EIF4G2: variants seen among roughly 807,000 people sequenced by gnomAD.
EIF4G2 encodes eukaryotic translation initiation factor 4 gamma 2, also known as DAP-5.
EIF4G2 carries 8 observed loss-of-function variants against 117.7 expected under a neutral mutation model. The ratio of observed to expected loss-of-function variants is 0.07; its 90% confidence interval spans 0.04 to 0.12. The LOEUF (loss-of-function observed/expected upper bound fraction) is 0.12, where lower values mean the gene tolerates loss of function less well. EIF4G2 is among the 10% of genes least tolerant of loss of function. The pLI is 1.00. For synonymous variants in EIF4G2, 413 were observed against 367.8 expected (o/e 1.12, Z -1.41); for missense variants, 812 against 1,086.2 (o/e 0.75, Z 3.55).
chr11:10,800,910 GAA>G (rs949848262), intron 15 of EIF4G2, 50 bp downstream of exon 15: 4 of 1,610,684 alleles, frequency 2.5e-6, no homozygotes, highest in African/African-American at 1.3e-5. Context: ...ACTAAATTTA[GAA>G]AAAAGTCTTC....
At chr11:10,808,471 G>T (rs1408553196) in intron 1 of EIF4G2, 39 of 1,257,570 alleles carry the variant, frequency 3.1e-5, no homozygotes, top group Non-Finnish European at 4.0e-5. Context: ...ATCCGGCCAT[G>T]ACCGCACGGC....
chr11:10,798,834 A>G (rs1296389997), intron 21 of EIF4G2, 158 bp downstream of exon 21: 13 of 898,386 alleles, frequency 1.4e-5, no homozygotes, highest in Admixed American at 2.5e-5. Context: ...AGCTTTACTT[A>G]ATAATAGCTT....
Position 10,802,450 on chromosome 11 carries a change from T to C in EIF4G2, c.997-15A>G, listed in dbSNP as rs763346719. 23 of 1,556,484 alleles carry C rather than the reference T, an allele frequency of 1.5e-5. No homozygotes were observed. In the South Asian group the frequency reaches 2.3e-4, roughly 16 times the overall value. Reference sequence around the variant, plus strand: ...ACCCCTAGATCCTTTAGAAATGAAGTGAATATGCACTTTTTGTCTCTGGAC... The same window carrying C: ...ACCCCTAGATCCTTTAGAAATGAAGCGAATATGCACTTTTTGTCTCTGGAC... On this transcript the variant is annotated splice_polypyrimidine_tract_variant and intron_variant, in intron 11 of 21. Coordinates refer to ENST00000339995, the MANE Select transcript of EIF4G2 (RefSeq NM_001418.4).
At position 10,801,713 on chromosome 11, in the gene EIF4G2, G is replaced by A. The variant is rs773483249; in HGVS notation, c.1361C>T (p.Ser454Leu). ...AGAAAACCGAGGTGGCATATCCTTCGACTGTCCTTGCAGCTGGGATAAGAG... is the reference window on the plus strand; with the variant it reads ...AGAAAACCGAGGTGGCATATCCTTCAACTGTCCTTGCAGCTGGGATAAGAG... Residue 454 changes from serine (S) to leucine (L), a missense_variant, in exon 14 of 22, where the codon TCG becomes TTG. Transcript: ENST00000339995. 15 of 1,613,950 alleles carry A rather than the reference G, an allele frequency of 9.3e-6. No individual in the cohort carries two copies. Among genetic ancestry groups the A allele is most frequent in the East Asian group, 4.5e-5 (2 of 44,884 alleles).
rs1264871584 is a variant in EIF4G2 at position 10,799,279 on chromosome 11, C to T, written c.2470G>A (p.Val824Ile). Reference sequence around the variant, plus strand: ...TACAGGGCACTGACTTGTAGATCAACGTGATCATGAAGAAATTTCTGCATT... The same window carrying T: ...TACAGGGCACTGACTTGTAGATCAATGTGATCATGAAGAAATTTCTGCATT... The change falls in exon 20 of 22, where the codon GTT becomes ATT. Residue 824 changes from valine to isoleucine, a missense_variant. Coordinates refer to ENST00000339995, the MANE Select transcript of EIF4G2 (RefSeq NM_001418.4). 3.7e-6 allele frequency: 6 copies of T among 1,614,018 alleles called. No individual in the cohort carries two copies. Among genetic ancestry groups the T allele is most frequent in the South Asian group, 1.1e-5 (1 of 91,086 alleles).
Position 10,805,762 on chromosome 11 carries a change from T to C in EIF4G2, c.248+145A>G, listed in dbSNP as rs1847549562. 3 of 1,265,698 alleles carry C rather than the reference T, an allele frequency of 2.4e-6. No homozygotes were observed. The South Asian group carries it at 4.0e-5, about 17-fold the overall frequency. The allele number at this position is 1,265,698 out of a possible 1,614,324, so 78.4% of individuals were successfully genotyped here. A position where few individuals can be genotyped will look rare whatever the true frequency, so the allele number is the denominator to read the frequency against. On this transcript the variant is annotated intron_variant, in intron 4 of 21. Transcript: ENST00000339995. ...GCCACAGTGCCTGGCCAGTTCAAGA[T>C]ATTTTTAAAAATTGCTACCATGAGG...
Position 10,805,962 on chromosome 11 carries a change from T to C in EIF4G2, c.193A>G (p.Asn65Asp). ...CGTTCTTTTTCGTTTGCGGAGTTGT[T>C]TGCTGCGGAGTTGTCATCTCGTCTA... The change falls in exon 4 of 22, where the codon AAC (asparagine) becomes GAC (aspartate). Residue 65 changes from asparagine (N) to aspartate (D), a missense_variant. Around this residue, in one of 4 missense-constraint regions of EIF4G2, gnomAD observed 79 missense variants for 91.5 expected, o/e 0.86. Transcript: ENST00000339995. 2 of 1,614,170 alleles carry C rather than the reference T, an allele frequency of 1.2e-6. No individual in the cohort carries two copies. Among genetic ancestry groups the C allele is most frequent in the Non-Finnish European group, 1.7e-6 (2 of 1,180,000 alleles).
At position 10,806,818 on chromosome 11, in the gene EIF4G2, A is replaced by G; in HGVS notation, c.107+2T>C. ...CACTGTTTTTTTACATGTTTACCAC[A>G]CCTGTTGCCAGCAGTCTTGGGATAG... On this transcript the variant is annotated splice_donor_variant, in intron 3 of 21. Coordinates refer to ENST00000339995, the MANE Select transcript of EIF4G2 (RefSeq NM_001418.4). LOFTEE classifies it high-confidence loss of function. 1 of 1,614,044 alleles carries G rather than the reference A, an allele frequency of 6.2e-7. No homozygotes were observed.
chr11:10,807,462 G>A (rs1847612568), intron 1 of EIF4G2, 81 bp from the exon 2 acceptor site: 1 of 1,429,446 alleles, frequency 7.0e-7, no homozygotes, highest in African/African-American at 1.5e-5. Context: ...ACGTATTTCA[G>A]ATCCTGGCAC....
chr11:10,806,809 G>A lies in EIF4G2; in HGVS notation c.107+11C>T. ...AATAAAGCTCACTGTTTTTTTACAT[G>A]TTTACCACACCTGTTGCCAGCAGTC... On this transcript the variant is annotated intron_variant, in intron 3 of 21. Transcript: ENST00000339995. The A allele has an allele frequency of 6.2e-7, 1 of 1,613,724 alleles. No homozygotes were observed.
rs1398195997 is a variant in EIF4G2, at chr11:10,797,802, C to T, written c.*14G>A. The stretch of plus-strand genomic sequence containing the variant: ...ACAGTATGTTTTGCACAATTTAAGG[C>T]TTTGGCTGGTTCTTTAGTCAGCTTC... On this transcript the variant is annotated 3_prime_UTR_variant, in exon 22 of 22. Coordinates refer to ENST00000339995, the MANE Select transcript of EIF4G2 (RefSeq NM_001418.4). This position sits in a 1 kb window ranked among gnomAD's most constrained non-coding sequence, Gnocchi z 4.5. 9 of 1,613,736 alleles carry T rather than the reference C, an allele frequency of 5.6e-6. No homozygotes were observed.
Position 10,806,012 on chromosome 11 carries a change from T to C in EIF4G2, c.143A>G (p.Gln48Arg), listed in dbSNP as rs1847557906. 6.2e-7 allele frequency: 1 copy of C among 1,614,274 alleles called. No individual in the cohort carries two copies. Among genetic ancestry groups the C allele is most frequent in the Non-Finnish European group, 8.5e-7 (1 of 1,180,046 alleles). ...AGTGCTTCGTGCAGGAATCCATTTC[T>C]GAGCGTTTTGCCCTGGGGTTTTCCC... is the stretch of plus-strand genomic sequence containing the variant. Residue 48 changes from glutamine (Q) to arginine (R), a missense_variant, in exon 4 of 22, where the codon CAG (glutamine) becomes CGG (arginine). Gln to Arg is a conservative substitution (Grantham distance 43). Around this residue, in one of 4 missense-constraint regions of EIF4G2, gnomAD observed 79 missense variants for 91.5 expected, o/e 0.86. Transcript: ENST00000339995.
Position 10,799,206 on chromosome 11 carries a change from C to T in EIF4G2, c.2536+7G>A, listed in dbSNP as rs754439151. On this transcript the variant is annotated splice_region_variant and intron_variant, in intron 20 of 21. Transcript: ENST00000339995. Reference sequence around the variant, plus strand: ...TCACGCCGTTCTTCTGATACAAGTCCTCTCACCTTTTGGGAAGTTGCTGTT... The same window carrying T: ...TCACGCCGTTCTTCTGATACAAGTCTTCTCACCTTTTGGGAAGTTGCTGTT... 5.6e-6 allele frequency: 9 copies of T among 1,613,820 alleles called. No homozygotes were observed. In the South Asian group the frequency reaches 9.9e-5, roughly 18 times the overall value.
At position 10,800,614 on chromosome 11, in the gene EIF4G2, T is replaced by G. The variant is rs1335888020; in HGVS notation, c.1678A>C (p.Asn560His). The change falls in exon 17 of 22, where the codon AAT becomes CAT. Residue 560 changes from asparagine to histidine, a missense_variant. Asn to His is a moderately conservative substitution (Grantham distance 68). Transcript: ENST00000339995. ...ACACCATTGACAGCCTCATTTGCAT[T>G]TCCACTATTTAGATATTCAGTCACA... The G allele has an allele frequency of 1.2e-6, 2 of 1,614,172 alleles. No individual in the cohort carries two copies. The highest frequency in any genetic ancestry group is 1.7e-6 in the Non-Finnish European group (2 of 1,180,038).
intron 4 of EIF4G2, 104 bp from the exon 5 acceptor site, chr11:10,805,119 TA>T: frequency 1.1e-6 from 1 of 890,692 alleles, no homozygotes; most frequent in Non-Finnish European, 1.8e-6. Flanking sequence ...TTGCTCCCTT[TA>T]AAAAATCAAG....
chr11:10,804,107 G>A (rs779635956), intron 7 of EIF4G2, 30 bp downstream of exon 7: 12 of 1,613,880 alleles, frequency 7.4e-6, no homozygotes, highest in East Asian at 2.2e-5. Flanking sequence ...AAAATATACA[G>A]TAGTACTTAT....
intron 5 of EIF4G2, 30 bp downstream of exon 5, chr11:10,804,883 T>C: frequency 6.4e-7 from 1 of 1,560,922 alleles, no homozygotes; most frequent in Non-Finnish European, 8.8e-7. Flanking sequence ...TCCCTCTCCC[T>C]TTTGAGTTAA....
intron 18 of EIF4G2, 45 bp from the exon 19 acceptor site, chr11:10,799,801 C>T (rs775933411): frequency 6.3e-7 from 1 of 1,584,884 alleles, no homozygotes; most frequent in East Asian, 2.2e-5. Context: ...TTCATTTTAC[C>T]AAGTTGTCCT....
At chr11:10,802,026 A>G (rs572070336) in intron 13 of EIF4G2, 23 bp downstream of exon 13, 3 of 14,006 alleles carry the variant, frequency 2.1e-4, no homozygotes, top group Non-Finnish European at 2.5e-4. Context: ...TTTAGAAAAC[A>G]TGCACACTCA....
Sources: gnomAD v4.1 joint callset for allele counts on GRCh38, gnomAD v4.1.1 for gene constraint, gnomAD v4.1.1 regional missense constraint, Gnocchi (gnomAD v3.1) non-coding constraint, MANE v1.5 for transcripts, NCBI Gene and HGNC (gene_info 2026-07-23, HGNC 2026-07-21) for gene names.